Variants in MGAT4C observed in about 807,000 individuals in gnomAD.
MGAT4C encodes the protein MGAT4 family member C.
MGAT4C carries 19 observed loss-of-function variants against 40.1 expected under a neutral mutation model. The observed-to-expected ratio is 0.47, with a 90% CI of 0.33 to 0.70. The LOEUF (loss-of-function observed/expected upper bound fraction) is 0.70. Among genes scored for constraint, MGAT4C ranks in the 30% least tolerant of loss-of-function variants. MGAT4C has a pLI of 0.02. For synonymous variants in MGAT4C, 181 were observed against 187.1 expected, an observed-to-expected ratio of 0.97 and a Z score of 0.27; for missense variants, 491 against 563.2, an observed-to-expected ratio of 0.87 and a Z score of 1.30.
intron 1 of MGAT4C, among the ~76,000 whole-genome samples, chr12:86,118,533 C>T (rs1218207673): frequency 1.3e-5 from 2 of 152,082 alleles, no homozygotes; most frequent in Non-Finnish European, 2.9e-5. Context: ...AAAAGATTAG[C>T]CACGGGAACA....
intron 1 of MGAT4C, among the ~76,000 whole-genome samples, chr12:86,241,355 C>T (rs945887568): frequency 2.0e-5 from 3 of 152,170 alleles, no homozygotes; most frequent in African/African-American, 4.8e-5. Context: ...GGAAGCAAAA[C>T]GACAATTTTC....
chr12:86,439,482 T>A (rs1446623621), intron 2 of MGAT4C, among the ~76,000 whole-genome samples: 1 of 151,976 alleles, frequency 6.6e-6, no homozygotes, highest in Non-Finnish European at 1.5e-5. Flanking sequence ...AACGCAATGC[T>A]AAGAGGAAAG....
chr12:86,446,711 G>A (rs1957347490), intron 2 of MGAT4C, among the ~76,000 whole-genome samples: 1 of 103,804 alleles, frequency 9.6e-6, no homozygotes, highest in East Asian at 2.5e-4. Context: ...ATATGGATGT[G>A]ATTAGCCATG....
chr12:86,428,841 TGA>T (rs1043739799), intron 3 of MGAT4C, among the ~76,000 whole-genome samples: 230 of 152,244 alleles, frequency 1.5e-3, no homozygotes, highest in African/African-American at 5.2e-3. Context: ...TGATTTTATT[TGA>T]GTTTTCTCTC....
intron 1 of MGAT4C, among the ~76,000 whole-genome samples, chr12:86,816,076 T>C (rs1047080429): frequency 3.3e-5 from 5 of 151,874 alleles, no homozygotes; most frequent in African/African-American, 1.2e-4. Context: ...CCTGACCATG[T>C]CCCCCAATAA....
chr12:86,209,262 T>C (rs890092069), intron 1 of MGAT4C, among the ~76,000 whole-genome samples: 1 of 152,090 alleles, frequency 6.6e-6, no homozygotes, highest in African/African-American at 2.4e-5. Flanking sequence ...AAGAATTATA[T>C]AATTAAAGAA....
At chr12:86,172,378 C>T (rs1402488932) in intron 1 of MGAT4C, among the ~76,000 whole-genome samples, 5 of 152,096 alleles carry the variant, frequency 3.3e-5, no homozygotes, top group African/African-American at 1.2e-4. Flanking sequence ...TATAATTGTC[C>T]AATAAAATTT....
chr12:86,074,365 G>GAT (rs1484108532), intron 1 of MGAT4C, among the ~76,000 whole-genome samples: 18 of 151,420 alleles, frequency 1.2e-4, no homozygotes, highest in African/African-American at 3.4e-4. Context: ...TAGATAGATA[G>GAT]ATAGATAGAT....
At chr12:86,299,265 T>C (rs1466233648) in intron 4 of MGAT4C, among the ~76,000 whole-genome samples, 2 of 152,280 alleles carry the variant, frequency 1.3e-5, no homozygotes, top group African/African-American at 2.4e-5. Flanking sequence ...TACAAGCGCA[T>C]GCCACCAGGC....
At chr12:86,740,372 A>C (rs1951049725) in intron 1 of MGAT4C, among the ~76,000 whole-genome samples, 1 of 151,154 alleles carries the variant, frequency 6.6e-6, no homozygotes, top group Non-Finnish European at 1.5e-5. Context: ...TTCAGTAGAA[A>C]ATTTTAAAGC....
intron 1 of MGAT4C, among the ~76,000 whole-genome samples, chr12:86,831,294 G>T (rs1195285336): frequency 6.6e-6 from 1 of 151,662 alleles, no homozygotes; most frequent in Non-Finnish European, 1.5e-5. Flanking sequence ...CATTCTGGGA[G>T]GAACAATACT....
intron 1 of MGAT4C, among the ~76,000 whole-genome samples, chr12:86,209,451 C>G (rs1225400648): frequency 6.6e-6 from 1 of 152,030 alleles, no homozygotes; most frequent in East Asian, 1.9e-4. Flanking sequence ...AAAGTCACAA[C>G]TTTTGACACA....
At chr12:86,446,005 T>C (rs1246680942) in intron 2 of MGAT4C, among the ~76,000 whole-genome samples, 3 of 152,094 alleles carry the variant, frequency 2.0e-5, no homozygotes, top group Non-Finnish European at 1.5e-5. Context: ...ACTGGGTTGT[T>C]CACTTAAGAA....
intron 2 of MGAT4C, chr12:86,028,039 C>T: frequency 4.4e-6 from 4 of 916,332 alleles, no homozygotes; most frequent in Non-Finnish European, 6.1e-6. Context: ...TCAAGTGTAT[C>T]TAGTCAAGAA....
At chr12:86,279,202 C>G (rs537839974) in intron 4 of MGAT4C, among the ~76,000 whole-genome samples, 1 of 152,102 alleles carries the variant, frequency 6.6e-6, no homozygotes, top group East Asian at 1.9e-4. Context: ...CACTCCTTCT[C>G]TATTTTTTGG....
At chr12:86,431,154 T>C (rs1957030260) in intron 3 of MGAT4C, among the ~76,000 whole-genome samples, 1 of 152,208 alleles carries the variant, frequency 6.6e-6, no homozygotes, top group African/African-American at 2.4e-5. Flanking sequence ...TTCACCATGC[T>C]TTCAAAGACA....
At chr12:86,739,819 CGT>C (rs981864521) in intron 1 of MGAT4C, among the ~76,000 whole-genome samples, 1 of 149,898 alleles carries the variant, frequency 6.7e-6, no homozygotes, top group African/African-American at 2.4e-5. Context: ...TGTGTGTGTG[CGT>C]GTGTGTGTAT....
chr12:86,148,424 A>C (rs1883840932), intron 1 of MGAT4C, among the ~76,000 whole-genome samples: 1 of 152,206 alleles, frequency 6.6e-6, no homozygotes, highest in African/African-American at 2.4e-5. Context: ...TGTTAAAATT[A>C]CCCTGATTGG....
chr12:85,957,939 A>G lies in MGAT4C; in HGVS notation c.*21350T>C, dbSNP rs1319980162. The G allele has an allele frequency of 1.3e-5, 2 of 152,048 alleles. No individual in the cohort carries two copies. The highest frequency in any genetic ancestry group is 4.8e-5 in the African/African-American group (2 of 41,414). The allele number at this position is 152,048 out of a possible 1,614,324, so 9.4% of individuals were successfully genotyped here. On this transcript the variant is annotated 3_prime_UTR_variant, in exon 5 of 5. Transcript: ENST00000611864. ...AAATTATTTTACTTAGGTTATCTTT[A>G]TTTGAGTGAGAGACTTGTCATTAAT...
Sources: allele counts gnomAD v4.1 joint callset (sites outside exome capture counted in the v4.1 genomes callset), GRCh38; gene constraint gnomAD v4.1.1; transcripts MANE v1.5; gene names NCBI Gene and HGNC (gene_info 2026-07-23, HGNC 2026-07-21).